Variants in AKAP1 observed in about 807,000 individuals in gnomAD.
AKAP1 encodes the protein A-kinase anchor protein 1, mitochondrial.
AKAP1 carries 32 observed loss-of-function variants against 79.8 expected under a neutral mutation model. That is an observed-to-expected ratio of 0.40 (90% CI 0.30 to 0.54). The LOEUF (loss-of-function observed/expected upper bound fraction) is 0.54. Ranked by LOEUF, AKAP1 falls within the 20% of genes least tolerant of loss-of-function variation. AKAP1 has a pLI of 0.47. For missense variants in AKAP1, 961 were observed against 1,138.9 expected, an observed-to-expected ratio of 0.84 and a Z score of 2.25; for synonymous variants, 416 against 466.7, an observed-to-expected ratio of 0.89 and a Z score of 1.40.
intron 3 of AKAP1, among the ~76,000 whole-genome samples, chr17:57,110,739 T>G (rs977074151): frequency 1.3e-5 from 2 of 152,256 alleles, no homozygotes; most frequent in East Asian, 3.8e-4. Flanking sequence ...TTTAACAATT[T>G]AATTTTCGTG....
intron 1 of AKAP1, among the ~76,000 whole-genome samples, chr17:57,102,627 G>GCT (rs1426256797): frequency 3.3e-5 from 5 of 151,702 alleles, no homozygotes; most frequent in African/African-American, 7.3e-5. Context: ...ACAACTCCCG[G>GCT]CTCTCTCTCT....
At position 57,105,650 on chromosome 17, in the gene AKAP1, C is replaced by T. The variant is rs771728305; in HGVS notation, c.186C>T (p.Asp62=). Residue 62 remains aspartate, a synonymous_variant, in exon 2 of 11, where the codon GAC becomes GAT. Transcript: ENST00000337714. ...PAIKEPLPVE[D]VCPKVVSTPP... ...TCAAGGAACCTCTCCCCGTGGAAGA[C>T]GTCTGTCCCAAAGTAGTGTCCACAC... 3.2e-5 allele frequency: 52 copies of T among 1,614,140 alleles called. No homozygotes were observed. Among genetic ancestry groups the T allele is most frequent in the Non-Finnish European group, 4.3e-5 (51 of 1,180,026 alleles).
intron 6 of AKAP1, among the ~76,000 whole-genome samples, chr17:57,115,068 A>G (rs1293604915): frequency 2.6e-5 from 4 of 152,116 alleles, no homozygotes; most frequent in Non-Finnish European, 4.4e-5. Flanking sequence ...CCCAAGTCCA[A>G]CAAGCCTGTG....
intron 1 of AKAP1, chr17:57,096,336 G>C (rs1212894317): frequency 1.3e-5 from 2 of 152,256 alleles, no homozygotes; most frequent in Admixed American, 6.5e-5. Context: ...ACACTACTGG[G>C]TTAAGCTTCT....
At chr17:57,102,994 T>C (rs1045723112) in intron 1 of AKAP1, among the ~76,000 whole-genome samples, 4 of 152,020 alleles carry the variant, frequency 2.6e-5, no homozygotes, top group Admixed American at 2.6e-4. Flanking sequence ...ACAGGAGAAC[T>C]GCATGAACCT....
intron 3 of AKAP1, among the ~76,000 whole-genome samples, 196 bp from the exon 4 acceptor site, chr17:57,111,602 T>A (rs1915249492): frequency 6.6e-6 from 1 of 152,204 alleles, no homozygotes; most frequent in Non-Finnish European, 1.5e-5. Flanking sequence ...ATATACAGAA[T>A]GGTGATAAAG....
intron 1 of AKAP1, chr17:57,092,639 C>T (rs1452197491): frequency 6.6e-6 from 1 of 152,188 alleles, no homozygotes; most frequent in Admixed American, 6.5e-5. Flanking sequence ...GTGTACCTGT[C>T]ATGCTACCAG....
intron 6 of AKAP1, among the ~76,000 whole-genome samples, chr17:57,115,248 G>T (rs1915508725): frequency 6.6e-6 from 1 of 152,218 alleles, no homozygotes; most frequent in African/African-American, 2.4e-5. Context: ...CCAGGGGATG[G>T]CAGGGTCACT....
chr17:57,102,105 GA>G (rs922381449), intron 1 of AKAP1, among the ~76,000 whole-genome samples: 6 of 151,806 alleles, frequency 4.0e-5, no homozygotes, highest in African/African-American at 1.2e-4. Flanking sequence ...AAAACATTTT[GA>G]AAAAAAATTT....
At chr17:57,095,312 C>G (rs1306667013) in intron 1 of AKAP1, 1 of 152,002 alleles carries the variant, frequency 6.6e-6, no homozygotes, top group African/African-American at 2.4e-5. Flanking sequence ...CAGGTGTGCG[C>G]CACTATGCCT....
At chr17:57,107,259 T>C (rs949562964) in intron 2 of AKAP1, 81 bp downstream of exon 2, 53 of 1,516,002 alleles carry the variant, frequency 3.5e-5, no homozygotes, top group Non-Finnish European at 4.5e-5. Context: ...GCCTCTCCCT[T>C]CTGCTACTTG....
At chr17:57,087,450 T>G (rs1471963552) in intron 1 of AKAP1, among the ~76,000 whole-genome samples, 1 of 152,204 alleles carries the variant, frequency 6.6e-6, no homozygotes, top group Non-Finnish European at 1.5e-5. Context: ...TAAAAGCAAT[T>G]TATCTTGCTG....
In AKAP1 at chr17:57,106,445, T is replaced by A; in HGVS notation, c.981T>A (p.Asn327Lys). 6.8e-7 allele frequency: 1 copy of A among 1,478,190 alleles called. No homozygotes were observed. Among genetic ancestry groups the A allele is most frequent in the Non-Finnish European group, 9.4e-7 (1 of 1,063,848 alleles). The allele number at this position is 1,478,190 out of a possible 1,614,324, so 91.6% of individuals were successfully genotyped here. A position where few individuals can be genotyped will look rare whatever the true frequency, so the allele number is the denominator to read the frequency against. Residue 327 changes from asparagine (N) to lysine (K), a missense_variant, in exon 2 of 11, where the codon AAT (asparagine) becomes AAA (lysine). Transcript: ENST00000337714. ...LDRNEEGLDR[N>K]EESLDRNEEG... is the part of the protein sequence containing the mutation. ...GAAATGAGGAGGGCTTGGATAGAAA[T>A]GAGGAGAGCTTGGATAGAAATGAGG...
At chr17:57,101,418 T>C (rs578050649) in intron 1 of AKAP1, among the ~76,000 whole-genome samples, 3 of 152,092 alleles carry the variant, frequency 2.0e-5, no homozygotes, top group East Asian at 3.9e-4. Context: ...CTCAAGCGAT[T>C]TGCCGCCCCC....
chr17:57,091,779 C>T (rs561614273), intron 1 of AKAP1, among the ~76,000 whole-genome samples: 1 of 152,026 alleles, frequency 6.6e-6, no homozygotes, highest in Non-Finnish European at 1.5e-5. Flanking sequence ...GCCTTGAATT[C>T]CTGGGTTCAA....
chr17:57,112,169 GTCCT>G (rs1915288529), intron 4 of AKAP1, among the ~76,000 whole-genome samples: 1 of 152,030 alleles, frequency 6.6e-6, no homozygotes, highest in Non-Finnish European at 1.5e-5. Flanking sequence ...CGGGGCCTGG[GTCCT>G]GGGTTCATAG....
At chr17:57,097,023 C>G (rs1248602300) in intron 1 of AKAP1, among the ~76,000 whole-genome samples, 1 of 152,094 alleles carries the variant, frequency 6.6e-6, no homozygotes, top group Non-Finnish European at 1.5e-5. Context: ...TTGTGACCTA[C>G]TCTACTTTAC....
chr17:57,096,153 C>A (rs1914099514), intron 1 of AKAP1: 1 of 152,200 alleles, frequency 6.6e-6, no homozygotes, highest in South Asian at 2.1e-4. Context: ...ACTAAGTTTT[C>A]CAGAGCAGGA....
chr17:57,093,526 G>A (rs1340442545), intron 1 of AKAP1: 1 of 152,154 alleles, frequency 6.6e-6, no homozygotes, highest in Non-Finnish European at 1.5e-5. Context: ...GGGGGTCTCT[G>A]AAGCAAAATT....
Sources: gnomAD v4.1 joint callset for allele counts (sites outside exome capture counted in the v4.1 genomes callset) on GRCh38, gnomAD v4.1.1 for gene constraint, MANE v1.5 for transcripts, NCBI Gene and HGNC (gene_info 2026-07-23, HGNC 2026-07-21) for gene names.